The following SCHIP1 variants were observed in gnomAD, a reference collection of about 807,000 sequenced individuals.
SCHIP1 encodes the protein schwannomin interacting protein 1.
SCHIP1 carries 8 observed loss-of-function variants against 29.7 expected under a neutral mutation model. That is an observed-to-expected ratio of 0.27 (90% confidence interval 0.16 to 0.49). The LOEUF is 0.49. SCHIP1 is among the 20% of genes least tolerant of loss of function. SCHIP1 has a pLI of 0.99. For missense variants in SCHIP1, 193 were observed against 294.6 expected (o/e 0.66, Z 2.52); for synonymous variants, 76 against 94.9 (o/e 0.80, Z 1.16).
At chr3:159,521,989 G>C in the SCHIP1 span, among the ~76,000 whole-genome samples, 1 of 152,034 alleles carries the variant, frequency 6.6e-6, no homozygotes, top group Non-Finnish European at 1.5e-5. Flanking sequence ...AAAAATAATA[G>C]CCAATTAAAA....
chr3:159,565,094 A>C, the SCHIP1 span, among the ~76,000 whole-genome samples: 1 of 152,116 alleles, frequency 6.6e-6, no homozygotes, highest in Non-Finnish European at 1.5e-5. Flanking sequence ...GAGTTCTTTG[A>C]TGGTCAATCA....
chr3:159,290,404 T>C, the SCHIP1 span, among the ~76,000 whole-genome samples: 1 of 152,156 alleles, frequency 6.6e-6, no homozygotes, highest in Non-Finnish European at 1.5e-5. Flanking sequence ...AATGTTTACC[T>C]ATATGTGGAC....
chr3:159,567,301 C>T, the SCHIP1 span, among the ~76,000 whole-genome samples: 1 of 152,162 alleles, frequency 6.6e-6, no homozygotes, highest in African/African-American at 2.4e-5. Context: ...TTTGTTCCTA[C>T]AGTGTTTACT....
chr3:159,882,396 C>T (rs1001979662), intron 2 of SCHIP1, among the ~76,000 whole-genome samples: 1 of 152,178 alleles, frequency 6.6e-6, no homozygotes, highest in African/African-American at 2.4e-5. Flanking sequence ...TACTAGTGGT[C>T]TAAGCAGGTG....
the SCHIP1 span, among the ~76,000 whole-genome samples, chr3:159,313,639 G>A: frequency 8.5e-5 from 13 of 152,102 alleles, no homozygotes; most frequent in Non-Finnish European, 1.8e-4. Flanking sequence ...GCCAGGTACA[G>A]TTATCAAAGT....
At chr3:159,552,564 T>C in the SCHIP1 span, among the ~76,000 whole-genome samples, 1 of 152,238 alleles carries the variant, frequency 6.6e-6, no homozygotes, top group Non-Finnish European at 1.5e-5. Flanking sequence ...GGAATTTGAA[T>C]AGAAGAAATT....
the SCHIP1 span, among the ~76,000 whole-genome samples, chr3:159,820,046 T>C: frequency 6.6e-6 from 1 of 152,230 alleles, no homozygotes; most frequent in Non-Finnish European, 1.5e-5. Flanking sequence ...CAGATATTTC[T>C]GGCAGTTTTT....
chr3:159,433,120 T>C, the SCHIP1 span, among the ~76,000 whole-genome samples: 2 of 152,192 alleles, frequency 1.3e-5, no homozygotes, highest in African/African-American at 4.8e-5. Flanking sequence ...TCATTGTGTA[T>C]GCAAGGGTAA....
the SCHIP1 span, among the ~76,000 whole-genome samples, chr3:159,626,159 TATCTAGATATATCTATCTATCTAG>T: frequency 1.1e-4 from 13 of 114,116 alleles, no homozygotes; most frequent in African/African-American, 8.9e-4. Context: ...TATATATATA[TATCTAGATATATCTATCTATCTAG>T]ATAGATAGAT....
the SCHIP1 span, among the ~76,000 whole-genome samples, chr3:159,585,052 A>G: frequency 2.0e-5 from 3 of 151,960 alleles, no homozygotes; most frequent in Middle Eastern, 3.4e-3. Flanking sequence ...CGGCCACCCT[A>G]TTTTAAATTA....
chr3:159,723,346 G>T, the SCHIP1 span, among the ~76,000 whole-genome samples: 3 of 152,062 alleles, frequency 2.0e-5, no homozygotes, highest in African/African-American at 7.2e-5. Context: ...ACAAATATAA[G>T]AATTTTTAAA....
the SCHIP1 span, among the ~76,000 whole-genome samples, chr3:159,609,141 A>C: frequency 6.6e-6 from 1 of 152,174 alleles, no homozygotes; most frequent in Non-Finnish European, 1.5e-5. Context: ...TCAAGAGAAG[A>C]CAAGTGCAGT....
chr3:159,393,573 C>G, the SCHIP1 span, among the ~76,000 whole-genome samples: 1 of 150,508 alleles, frequency 6.6e-6, no homozygotes, highest in South Asian at 2.1e-4. Flanking sequence ...AATAGGGAAT[C>G]CTTTCCCCAT....
the SCHIP1 span, among the ~76,000 whole-genome samples, chr3:159,666,752 C>T: frequency 6.6e-6 from 1 of 152,202 alleles, no homozygotes; most frequent in Non-Finnish European, 1.5e-5. Flanking sequence ...TTTCCTGACT[C>T]TCAATCATTA....
the SCHIP1 span, among the ~76,000 whole-genome samples, chr3:159,293,916 T>C: frequency 0.69 from 104,507 of 151,948 alleles, 36,574 homozygotes; most frequent in Middle Eastern, 0.78. Context: ...AACCAAGGGG[T>C]CCACAAATTA....
chr3:159,535,245 G>A, the SCHIP1 span, among the ~76,000 whole-genome samples: 1 of 152,078 alleles, frequency 6.6e-6, no homozygotes, highest in Admixed American at 6.6e-5. Flanking sequence ...ATGACTCTTG[G>A]TGATTTCTCC....
At chr3:159,540,208 A>G in the SCHIP1 span, among the ~76,000 whole-genome samples, 2 of 151,882 alleles carry the variant, frequency 1.3e-5, no homozygotes, top group African/African-American at 4.8e-5. Flanking sequence ...CTTTTGTACA[A>G]TATGTAGGCC....
chr3:159,673,108 CG>C, the SCHIP1 span, among the ~76,000 whole-genome samples: 1 of 152,184 alleles, frequency 6.6e-6, no homozygotes, highest in Non-Finnish European at 1.5e-5. Context: ...CAATGTTTCC[CG>C]CCTCCTCCAA....
At chr3:159,873,425 C>G (rs1715474290) in intron 2 of SCHIP1, among the ~76,000 whole-genome samples, 1 of 152,208 alleles carries the variant, frequency 6.6e-6, no homozygotes, top group Non-Finnish European at 1.5e-5. Flanking sequence ...GGAGTTTCAA[C>G]TGTTCCTGTG....
Sources: gnomAD v4.1 joint callset for allele counts (sites outside exome capture counted in the v4.1 genomes callset) on GRCh38, gnomAD v4.1.1 for gene constraint, MANE v1.5 for transcripts, NCBI Gene and HGNC (gene_info 2026-07-23, HGNC 2026-07-21) for gene names.